Variants in SRBD1 observed in about 807,000 individuals in gnomAD.
SRBD1 encodes S1 RNA binding domain 1.
A neutral mutation model predicts 115.3 loss-of-function variants in SRBD1; 88 were observed. The observed-to-expected ratio is 0.76, with a 90% CI of 0.64 to 0.91. The LOEUF (loss-of-function observed/expected upper bound fraction) is 0.91, where lower values mean the gene tolerates loss of function less well. SRBD1 is among the 40% of genes least tolerant of loss of function. The pLI is 0.00. For synonymous variants in SRBD1, 509 were observed against 407.7 expected, an observed-to-expected ratio of 1.25 and a Z score of -2.99; for missense variants, 1,385 against 1,177.4, an observed-to-expected ratio of 1.18 and a Z score of -2.58.
At chr2:45,596,010 A>C (rs943107653) in intron 4 of SRBD1, among the ~76,000 whole-genome samples, 32 of 152,200 alleles carry the variant, frequency 2.1e-4, no homozygotes, top group Admixed American at 1.3e-4. Flanking sequence ...AGAGGAAAAA[A>C]AAATTGCTTG....
intron 10 of SRBD1, among the ~76,000 whole-genome samples, chr2:45,553,996 T>C (rs1453575761): frequency 6.6e-6 from 1 of 152,150 alleles, no homozygotes; most frequent in African/African-American, 2.4e-5. Flanking sequence ...CTCCAAAGCA[T>C]TATTAATAAT....
At chr2:45,551,938 A>G (rs752637522) in intron 11 of SRBD1, among the ~76,000 whole-genome samples, 3 of 152,222 alleles carry the variant, frequency 2.0e-5, no homozygotes, top group Non-Finnish European at 4.4e-5. Context: ...AAGATCATCT[A>G]TGACGCTAGT....
intron 16 of SRBD1, among the ~76,000 whole-genome samples, chr2:45,428,789 A>T (rs908342042): frequency 6.6e-5 from 10 of 152,260 alleles, no homozygotes; most frequent in South Asian, 4.1e-4. Flanking sequence ...TTCAAAAGCT[A>T]GCAGAAGACA....
At chr2:45,544,898 A>G (rs1209796467) in intron 14 of SRBD1, among the ~76,000 whole-genome samples, 2 of 152,214 alleles carry the variant, frequency 1.3e-5, no homozygotes, top group African/African-American at 4.8e-5. Flanking sequence ...TAAGGTAGGT[A>G]TTCTTTTCCC....
intron 16 of SRBD1, among the ~76,000 whole-genome samples, chr2:45,432,873 A>G (rs997094366): frequency 1.3e-5 from 2 of 152,206 alleles, no homozygotes; most frequent in Non-Finnish European, 2.9e-5. Context: ...TTCTCAAAAA[A>G]TAAAACTTTA....
At chr2:45,450,112 C>T (rs758537213) in intron 16 of SRBD1, among the ~76,000 whole-genome samples, 104 of 152,026 alleles carry the variant, frequency 6.8e-4, no homozygotes, top group African/African-American at 1.7e-3. Context: ...AGGAGGCCTA[C>T]GATACTAAAT....
intron 19 of SRBD1, among the ~76,000 whole-genome samples, chr2:45,408,926 A>G (rs1396936525): frequency 6.6e-6 from 1 of 152,214 alleles, no homozygotes; most frequent in Non-Finnish European, 1.5e-5. Flanking sequence ...AAAAACATAC[A>G]TTATAAAAGA....
chr2:45,490,101 T>A (rs758464583), intron 14 of SRBD1, among the ~76,000 whole-genome samples: 8 of 152,156 alleles, frequency 5.3e-5, no homozygotes, highest in Non-Finnish European at 8.8e-5. Context: ...CAAAATAACA[T>A]TTACATTACG....
intron 14 of SRBD1, 47 bp from the exon 15 acceptor site, chr2:45,488,378 T>G: frequency 6.5e-7 from 1 of 1,539,664 alleles, no homozygotes; most frequent in Non-Finnish European, 8.9e-7. Flanking sequence ...ACTTCCTGCC[T>G]GGTCAAAGAA....
chr2:45,568,106 C>T (rs1045706747), intron 9 of SRBD1: 2 of 152,048 alleles, frequency 1.3e-5, no homozygotes, highest in Non-Finnish European at 2.9e-5. Flanking sequence ...GGAAATTGCA[C>T]GTCAGTAAAA....
chr2:45,562,558 C>T (rs769487263), intron 10 of SRBD1, 95 bp downstream of exon 10: 5 of 974,736 alleles, frequency 5.1e-6, no homozygotes, highest in East Asian at 5.9e-5. Flanking sequence ...AAAATGTTCA[C>T]GTAATAGACA....
At chr2:45,418,252 T>G (rs1055414945) in intron 18 of SRBD1, 113 bp downstream of exon 18, 4 of 1,231,268 alleles carry the variant, frequency 3.2e-6, no homozygotes, top group Non-Finnish European at 4.5e-6. Flanking sequence ...CTTAACTGAA[T>G]GAAGGCATGA....
At chr2:45,506,274 T>C (rs750835239) in intron 14 of SRBD1, among the ~76,000 whole-genome samples, 9 of 152,186 alleles carry the variant, frequency 5.9e-5, no homozygotes, top group Non-Finnish European at 1.2e-4. Flanking sequence ...TATTCTCTAT[T>C]GGAATACACA....
At chr2:45,492,209 A>G (rs1433866154) in intron 14 of SRBD1, among the ~76,000 whole-genome samples, 1 of 152,246 alleles carries the variant, frequency 6.6e-6, no homozygotes, top group Non-Finnish European at 1.5e-5. Flanking sequence ...TTTTCTGTAT[A>G]AAAGATATAC....
chr2:45,593,484 T>G (rs1254512555), intron 4 of SRBD1, among the ~76,000 whole-genome samples: 4 of 152,142 alleles, frequency 2.6e-5, no homozygotes, highest in Non-Finnish European at 5.9e-5. Context: ...TAAAATGCCC[T>G]CTCTAAAACC....
chr2:45,492,280 T>C (rs533085493), intron 14 of SRBD1, among the ~76,000 whole-genome samples: 1 of 152,348 alleles, frequency 6.6e-6, no homozygotes, highest in South Asian at 2.1e-4. Context: ...TGACAGATTG[T>C]ATGTTGATGA....
intron 15 of SRBD1, among the ~76,000 whole-genome samples, chr2:45,484,514 C>T (rs1327634033): frequency 6.6e-6 from 1 of 152,172 alleles, no homozygotes; most frequent in African/African-American, 2.4e-5. Flanking sequence ...CCCCAGTCTT[C>T]TGCAAAGGTA....
chr2:45,445,875 G>A (rs1220548453), intron 16 of SRBD1, among the ~76,000 whole-genome samples: 1 of 152,100 alleles, frequency 6.6e-6, no homozygotes, highest in African/African-American at 2.4e-5. Context: ...TAAAGGCCAG[G>A]GTGTTTTCCC....
rs184310866 is a variant in SRBD1, at chr2:45,608,241, T to C, written c.1-2800A>G. 6.4e-4 allele frequency among the ~76,000 whole-genome samples: 98 copies of C among 152,294 alleles called. 1 individual carries two copies. The highest frequency in any genetic ancestry group is 8.3e-4 in the South Asian group (4 of 4,830). ...TTTATAAGGCACCCCGAAAGCAATA[T>C]ACCATGGAAAGATGAGTGAGTTGTA... is the stretch of plus-strand genomic sequence containing the variant. On this transcript the variant is annotated intron_variant, in intron 1 of 20. Transcript: ENST00000263736.
Sources: allele counts gnomAD v4.1 joint callset (sites outside exome capture counted in the v4.1 genomes callset), GRCh38; gene constraint gnomAD v4.1.1; transcripts MANE v1.5; gene names NCBI Gene and HGNC (gene_info 2026-07-23, HGNC 2026-07-21).